Variants in NOX4 observed in about 807,000 individuals in gnomAD.
NOX4 encodes NADPH oxidase 4.
A neutral mutation model predicts 87.6 loss-of-function variants in NOX4; 69 were observed. The ratio of observed to expected loss-of-function variants is 0.79; its 90% CI spans 0.65 to 0.96. The LOEUF (loss-of-function observed/expected upper bound fraction) is 0.96, where lower values mean the gene tolerates loss of function less well. Ranked by LOEUF, NOX4 falls within the 40% of genes least tolerant of loss-of-function variation. NOX4 has a pLI of 0.00. For synonymous variants in NOX4, 275 were observed against 238.2 expected (o/e 1.15, Z -1.42); for missense variants, 680 against 681.5 (o/e 1.00, Z 0.02).
intron 2 of NOX4, among the ~76,000 whole-genome samples, chr11:89,456,663 C>T (rs1197596385): frequency 1.3e-5 from 2 of 152,288 alleles, no homozygotes; most frequent in Admixed American, 6.5e-5. Context: ...GCTCTGTCCT[C>T]ACCAGGAATC....
intron 2 of NOX4, among the ~76,000 whole-genome samples, chr11:89,463,817 A>C (rs1945568607): frequency 6.6e-6 from 1 of 152,036 alleles, no homozygotes; most frequent in African/African-American, 2.4e-5. Flanking sequence ...TATCTAAAAA[A>C]GATTAAACAT....
At chr11:89,471,543 C>T (rs1253925475) in intron 2 of NOX4, among the ~76,000 whole-genome samples, 1 of 152,022 alleles carries the variant, frequency 6.6e-6, no homozygotes, top group African/African-American at 2.4e-5. Flanking sequence ...TTTCCTATGC[C>T]TATAAGTCAA....
At position 89,447,879 on chromosome 11, in the gene NOX4, G is replaced by T. The variant is rs185277918; in HGVS notation, c.349+1561C>A. Reference sequence around the variant, plus strand: ...CTGAGCCTCTCCCCATCTAACACCTGCAGAGGTGGGACTACCAATTGGAAG... The same window carrying T: ...CTGAGCCTCTCCCCATCTAACACCTTCAGAGGTGGGACTACCAATTGGAAG... On this transcript the variant is annotated intron_variant, in intron 4 of 17. Transcript: ENST00000263317. Among the ~76,000 whole-genome samples the T allele has an allele frequency of 2.0e-5, 3 of 152,202 alleles. No homozygotes were observed. In the East Asian group the frequency reaches 5.8e-4, roughly 29 times the overall value.
At chr11:89,366,823 T>C (rs1330441881) in intron 12 of NOX4, among the ~76,000 whole-genome samples, 4 of 152,280 alleles carry the variant, frequency 2.6e-5, no homozygotes, top group Non-Finnish European at 4.4e-5. Context: ...GTGAATTCTT[T>C]ATTTACTAAG....
At chr11:89,370,796 T>C (rs1228299118) in intron 12 of NOX4, among the ~76,000 whole-genome samples, 2 of 152,014 alleles carry the variant, frequency 1.3e-5, no homozygotes, top group African/African-American at 2.4e-5. Flanking sequence ...AGACAACAAA[T>C]ATGAGACTTG....
intron 6 of NOX4, among the ~76,000 whole-genome samples, chr11:89,434,528 A>G (rs1033046729): frequency 6.6e-6 from 1 of 152,066 alleles, no homozygotes; most frequent in East Asian, 1.9e-4. Context: ...AGTTCACTCT[A>G]AAGAACTAGC....
chr11:89,381,260 T>G (rs2135094717), intron 11 of NOX4, among the ~76,000 whole-genome samples: 1 of 152,256 alleles, frequency 6.6e-6, no homozygotes, highest in African/African-American at 2.4e-5. Flanking sequence ...TTAAAAACAA[T>G]GAATCACACA....
chr11:89,481,536 A>T (rs1946391501), intron 2 of NOX4, among the ~76,000 whole-genome samples: 1 of 152,060 alleles, frequency 6.6e-6, no homozygotes. Flanking sequence ...AGGGAGAGAA[A>T]TGCTTAACCA....
intron 17 of NOX4, among the ~76,000 whole-genome samples, chr11:89,330,067 TG>T (rs1304691331): frequency 6.6e-6 from 1 of 152,082 alleles, no homozygotes; most frequent in Non-Finnish European, 1.5e-5. Flanking sequence ...CTATAACATA[TG>T]TATATGTAAG....
At position 89,432,798 on chromosome 11, in the gene NOX4, A is replaced by T; in HGVS notation, c.534T>A (p.Ser178=). Reference sequence around the variant, plus strand: ...CTGACACTTACCTTATTGCATATGTAGAGGCTGTGATCATGAGGAATAGCA... The same window carrying T: ...CTGACACTTACCTTATTGCATATGTTGAGGCTGTGATCATGAGGAATAGCA... ...VVVLFLMITA[S]TYAIRVSNYD... The change falls in exon 7 of 18, where the codon TCT becomes TCA. Residue 178 remains serine (S), a synonymous_variant. Coordinates refer to ENST00000263317, the MANE Select transcript of NOX4 (RefSeq NM_016931.5). 6.2e-7 allele frequency: 1 copy of T among 1,609,436 alleles called. No individual in the cohort carries two copies. Among genetic ancestry groups the T allele is most frequent in the East Asian group, 2.2e-5 (1 of 44,626 alleles).
rs971027775 is a variant in NOX4 at position 89,452,437 on chromosome 11, T to C, written c.154-542A>G. Reference sequence around the variant, plus strand: ...GGTCACATAGTAAGCACGACTCTTCTAGACTTCTTCCCTGATCGGAAACTA... The same window carrying C: ...GGTCACATAGTAAGCACGACTCTTCCAGACTTCTTCCCTGATCGGAAACTA... On this transcript the variant is annotated intron_variant, in intron 2 of 17. Transcript: ENST00000263317. Among the ~76,000 whole-genome samples, 11 of 152,346 alleles carry C rather than the reference T, an allele frequency of 7.2e-5. 1 individual carries two copies. Among genetic ancestry groups the C allele is most frequent in the East Asian group, 1.9e-4 (1 of 5,188 alleles).
At chr11:89,568,764 C>T in the NOX4 span, among the ~76,000 whole-genome samples, 3 of 152,170 alleles carry the variant, frequency 2.0e-5, no homozygotes, top group Non-Finnish European at 4.4e-5. Context: ...AGGCATCACA[C>T]TCTACTACAA....
intron 4 of NOX4, among the ~76,000 whole-genome samples, chr11:89,444,462 G>A (rs1944595048): frequency 1.0e-5 from 1 of 99,988 alleles, no homozygotes; most frequent in South Asian, 3.1e-4. Flanking sequence ...TCAGGGATAA[G>A]AGAAACACAC....
upstream of NOX4, among the ~76,000 whole-genome samples, chr11:89,496,491 AT>A (rs1238671992): frequency 2.0e-5 from 3 of 152,070 alleles, no homozygotes; most frequent in African/African-American, 7.2e-5. Flanking sequence ...CATGGTAATC[AT>A]TTCACAGTGT....
intron 2 of NOX4, among the ~76,000 whole-genome samples, chr11:89,455,718 T>TCATA (rs1945164427): frequency 2.0e-5 from 1 of 49,254 alleles, no homozygotes; most frequent in South Asian, 4.6e-4. Context: ...GAAGATGAAG[T>TCATA]CATATATATA....
At chr11:89,403,778 A>T (rs1304075132) in intron 8 of NOX4, among the ~76,000 whole-genome samples, 1 of 152,138 alleles carries the variant, frequency 6.6e-6, no homozygotes, top group Non-Finnish European at 1.5e-5. Context: ...ATGCTTTTAC[A>T]AAAATAATAT....
chr11:89,541,735 T>G, the NOX4 span, among the ~76,000 whole-genome samples: 1 of 152,228 alleles, frequency 6.6e-6, no homozygotes, highest in Non-Finnish European at 1.5e-5. Context: ...TAAAAGCATG[T>G]TTCTAAACCA....
At chr11:89,558,208 C>T in the NOX4 span, among the ~76,000 whole-genome samples, 1 of 152,048 alleles carries the variant, frequency 6.6e-6, no homozygotes, top group African/African-American at 2.4e-5. Flanking sequence ...AGCTCAGAGT[C>T]GATGCCCTTT....
chr11:89,566,356 T>C, the NOX4 span, among the ~76,000 whole-genome samples: 1 of 152,188 alleles, frequency 6.6e-6, no homozygotes, highest in Non-Finnish European at 1.5e-5. Flanking sequence ...AATACTTTCT[T>C]TCCACATAAT....
Sources: allele counts gnomAD v4.1 joint callset (sites outside exome capture counted in the v4.1 genomes callset), GRCh38; gene constraint gnomAD v4.1.1; transcripts MANE v1.5; gene names NCBI Gene and HGNC (gene_info 2026-07-23, HGNC 2026-07-21).